Variants in SLC30A10 observed in about 807,000 individuals in gnomAD.
SLC30A10 encodes calcium/manganese antiporter SLC30A10.
SLC30A10 carries 8 observed loss-of-function variants against 21.7 expected under a neutral mutation model. The observed-to-expected ratio is 0.37, with a 90% CI of 0.22 to 0.67. The LOEUF is 0.67. Ranked by LOEUF, SLC30A10 falls within the 30% of genes least tolerant of loss-of-function variation. SLC30A10 has a pLI of 0.58. For missense variants in SLC30A10, 521 were observed against 642.5 expected (o/e 0.81, Z 2.04); for synonymous variants, 272 against 279.4 (o/e 0.97, Z 0.26).
intron 1 of SLC30A10, among the ~76,000 whole-genome samples, chr1:219,936,941 A>G (rs1050384011): frequency 5.9e-5 from 9 of 152,294 alleles, no homozygotes; most frequent in East Asian, 1.9e-4. Context: ...GCTCACCAAC[A>G]GTCTTTTCAT....
In SLC30A10 at chr1:219,915,025, C is replaced by T. The variant is rs549849348; in HGVS notation, c.*424G>A. The T allele has an allele frequency of 8.2e-5, 13 of 158,202 alleles. No homozygotes were observed. In the South Asian group the frequency reaches 1.7e-3, roughly 21 times the overall value. 9.8% of individuals were successfully genotyped at this position (158,202 alleles called of 1,614,324 possible). A position where few individuals can be genotyped will look rare whatever the true frequency, so the allele number is the denominator to read the frequency against. ...GTTAAGGGGATTGGGAAAAATACAG[C>T]TATTGTGGTACTTTAGTTTTTTCAA... On this transcript the variant is annotated 3_prime_UTR_variant, in exon 4 of 4. Coordinates refer to ENST00000366926, the MANE Select transcript of SLC30A10 (RefSeq NM_018713.3).
At chr1:219,929,482 A>T (rs1659931647), upstream of SLC30A10, among the ~76,000 whole-genome samples, 1 of 152,046 alleles carries the variant, frequency 6.6e-6, no homozygotes, top group African/African-American at 2.4e-5. Context: ...GATACGCAGT[A>T]CAATCGACTG....
intron 2 of SLC30A10, among the ~76,000 whole-genome samples, chr1:219,926,010 A>AT (rs1015218766): frequency 1.5e-4 from 23 of 151,224 alleles, no homozygotes; most frequent in Admixed American, 3.3e-4. Flanking sequence ...ATAAAGGATG[A>AT]TTTTTTTTTC....
At chr1:219,933,320 G>A (rs1182851470), upstream of SLC30A10, among the ~76,000 whole-genome samples, 16 of 152,184 alleles carry the variant, frequency 1.1e-4, no homozygotes, top group Non-Finnish European at 8.8e-5. Flanking sequence ...CACGAGCATA[G>A]CATCACGTGA....
In SLC30A10 at chr1:219,936,319, A is replaced by C. The variant is rs1694591; in HGVS notation, n.81-9214T>G. Among the ~76,000 whole-genome samples the C allele has an allele frequency of 8.0e-3, 1,214 of 152,326 alleles. 18 individuals carry two copies. The highest frequency in any genetic ancestry group is 0.026 in the African/African-American group (1,069 of 41,568). On this transcript the variant is annotated intron_variant and non_coding_transcript_variant, in intron 1 of 8. Coordinates refer to the SLC30A10 transcript ENST00000484239. ...GAAAAATAAAAGGCATTATTGCTGT[A>C]ATTATGAAGCCATGGACCCACAACC...
intron 2 of SLC30A10, among the ~76,000 whole-genome samples, chr1:219,923,493 G>C (rs1278432730): frequency 9.2e-5 from 14 of 152,168 alleles, no homozygotes; most frequent in Non-Finnish European, 2.9e-5. Context: ...TGGGCAAATG[G>C]TAATGAAAAA....
Position 219,911,149 on chromosome 1 carries a change from G to GTTTTTTTTTTGTTTTTTTTTTTTTTTTT in SLC30A10, c.*4299_*4300insAAAAAAAAAAAAAAAAACAAAAAAAAAA, listed in dbSNP as rs1553311741. On this transcript the variant is annotated 3_prime_UTR_variant, in exon 4 of 4. Coordinates refer to ENST00000366926, the MANE Select transcript of SLC30A10 (RefSeq NM_018713.3). ...ATGTTTCTTCATTTTTTCTACATCAGTTTTTTTTTTTTTTTTTTTTTTTTT... is the reference window on the plus strand; with the variant it reads ...ATGTTTCTTCATTTTTTCTACATCAGTTTTTTTTTTGTTTTTTTTTTTTTTTTTTTTTTTTTTTTTTTTTTTTTTTTTT... 4.5e-4 allele frequency among the ~76,000 whole-genome samples: 22 copies of GTTTTTTTTTTGTTTTTTTTTTTTTTTTT among 49,416 alleles called. No individual in the cohort carries two copies. The highest frequency in any genetic ancestry group is 9.8e-4 in the South Asian group (1 of 1,020). The allele number at this position is 49,416 out of a possible 152,430, so 32.4% of individuals were successfully genotyped here.
At chr1:219,933,416 G>A (rs749856277), upstream of SLC30A10, among the ~76,000 whole-genome samples, 8 of 152,286 alleles carry the variant, frequency 5.3e-5, no homozygotes, top group Non-Finnish European at 8.8e-5. Context: ...GCAGAGTAGC[G>A]CTGCAGTTAA....
chr1:219,953,103 G>A (rs1326568442), intron 1 of SLC30A10, among the ~76,000 whole-genome samples: 2 of 152,198 alleles, frequency 1.3e-5, no homozygotes, highest in Non-Finnish European at 2.9e-5. Context: ...TTGATCAACA[G>A]CTGTGACAGT....
chr1:219,927,638 T>TAAAAAAAAAAAAAAAAAAAAAA (rs77015523), intron 1 of SLC30A10, among the ~76,000 whole-genome samples, 163 bp downstream of exon 1: 1 of 53,416 alleles, frequency 1.9e-5, no homozygotes, highest in African/African-American at 5.6e-5. Flanking sequence ...ATGGATTTAT[T>TAAAAAAAAAAAAAAAAAAAAAA]AAAAAAAAAA....
chr1:219,917,133 C>T (rs1659562942), intron 3 of SLC30A10, among the ~76,000 whole-genome samples: 2 of 151,108 alleles, frequency 1.3e-5, no homozygotes, highest in South Asian at 2.1e-4. Flanking sequence ...ACAACCTTTA[C>T]TTTTTTATTT....
intron 2 of SLC30A10, among the ~76,000 whole-genome samples, chr1:219,922,990 T>A (rs1659732874): frequency 6.6e-6 from 1 of 152,178 alleles, no homozygotes; most frequent in Admixed American, 6.5e-5. Flanking sequence ...ACTACAGATG[T>A]ACATTAAATG....
chr1:219,944,113 T>C (rs1341211483), intron 1 of SLC30A10, among the ~76,000 whole-genome samples: 1 of 133,030 alleles, frequency 7.5e-6, no homozygotes, highest in Non-Finnish European at 1.6e-5. Context: ...AAAAAAAACC[T>C]TCAATGGGGC....
At chr1:219,936,722 A>G (rs1213575402) in intron 1 of SLC30A10, among the ~76,000 whole-genome samples, 1 of 152,152 alleles carries the variant, frequency 6.6e-6, no homozygotes, top group African/African-American at 2.4e-5. Context: ...TCAAACTGCA[A>G]TAGGAGAGGA....
intron 1 of SLC30A10, 123 bp downstream of exon 1, chr1:219,927,663 AAAAAACAACAACAAC>A: frequency 1.4e-5 from 5 of 369,716 alleles, no homozygotes; most frequent in Non-Finnish European, 2.0e-5. Flanking sequence ...AAAAAAAAAA[AAAAAACAACAACAAC>A]AAAAAAAAAA....
chr1:219,922,165 T>G (rs2102529439), intron 2 of SLC30A10, among the ~76,000 whole-genome samples: 2 of 42,932 alleles, frequency 4.7e-5, no homozygotes, highest in Non-Finnish European at 8.4e-5. Flanking sequence ...TGTTTGTGTG[T>G]GTGTGTGTGT....
intron 1 of SLC30A10, among the ~76,000 whole-genome samples, chr1:219,940,280 C>CT (rs1660104303): frequency 6.6e-6 from 1 of 152,202 alleles, no homozygotes; most frequent in Non-Finnish European, 1.5e-5. Flanking sequence ...GCCAGCAGTC[C>CT]TATACATTGA....
intron 2 of SLC30A10, among the ~76,000 whole-genome samples, chr1:219,922,878 A>C (rs897255774): frequency 6.6e-6 from 1 of 152,138 alleles, no homozygotes; most frequent in Non-Finnish European, 1.5e-5. Flanking sequence ...CTGAACATTA[A>C]AGAGATGAAG....
Position 219,918,390 on chromosome 1 carries a change from A to C in SLC30A10, c.823T>G (p.Trp275Gly). 1.2e-6 allele frequency: 2 copies of C among 1,614,116 alleles called. No homozygotes were observed. Among genetic ancestry groups the C allele is most frequent in the Middle Eastern group, 3.3e-4 (2 of 6,062 alleles). The change falls in exon 3 of 4, where the codon TGG becomes GGG. Residue 275 changes from tryptophan (W) to glycine (G), a missense_variant. Trp to Gly is a radical substitution (Grantham distance 184). Coordinates refer to ENST00000366926, the MANE Select transcript of SLC30A10 (RefSeq NM_018713.3). The surrounding 1 kb of genome is among the most constrained non-coding windows in gnomAD (Gnocchi z 4.4). ...LPLKSEDPCN[W>G]QCYIDPSLTV... ...AGGCTGGGGTCAATGTAACACTGCC[A>C]GTTACACGGGTCCTCACTCTTCAGG...
Sources: allele counts gnomAD v4.1 joint callset (sites outside exome capture counted in the v4.1 genomes callset), GRCh38; gene constraint gnomAD v4.1.1; non-coding constraint Gnocchi (gnomAD v3.1); transcripts MANE v1.5; gene names NCBI Gene and HGNC (gene_info 2026-07-23, HGNC 2026-07-21).